CENPW: variants seen among roughly 807,000 people sequenced by gnomAD.
CENPW encodes the protein cancer-up-regulated gene 2 protein.
CENPW carries 3 observed loss-of-function variants against 11.1 expected under a neutral mutation model. The ratio of observed to expected loss-of-function variants is 0.27; its 90% CI spans 0.12 to 0.70. The LOEUF is 0.70. Ranked by LOEUF, CENPW falls within the 30% of genes least tolerant of loss-of-function variation. The probability of loss-of-function intolerance (pLI) is 0.77; values close to 1 mark genes in which losing one functional copy is unlikely to be tolerated. For missense variants in CENPW, 100 were observed against 105.6 expected, an observed-to-expected ratio of 0.95 and a Z score of 0.23; for synonymous variants, 38 against 42.0, an observed-to-expected ratio of 0.91 and a Z score of 0.37.
At chr6:126,370,100 C>A in the CENPW span, among the ~76,000 whole-genome samples, 1 of 152,136 alleles carries the variant, frequency 6.6e-6, no homozygotes, top group Non-Finnish European at 1.5e-5. Flanking sequence ...GGCTTTATTT[C>A]TGGGTTCTCT....
the CENPW span, among the ~76,000 whole-genome samples, chr6:126,360,308 G>A: frequency 2.1e-5 from 3 of 143,568 alleles, no homozygotes; most frequent in African/African-American, 7.3e-5. Context: ...AGCTTGATGG[G>A]GTTCCTTTTG....
chr6:126,341,478 A>T (rs1780309547), intron 1 of CENPW, among the ~76,000 whole-genome samples: 1 of 152,168 alleles, frequency 6.6e-6, no homozygotes, highest in Non-Finnish European at 1.5e-5. Context: ...CTATAGAATT[A>T]TCGCCCCTTT....
chr6:126,399,985 G>A, the CENPW span, among the ~76,000 whole-genome samples: 4 of 151,954 alleles, frequency 2.6e-5, no homozygotes, highest in Non-Finnish European at 5.9e-5. Flanking sequence ...GTGGTGGTGT[G>A]TTCTTTTCCA....
At chr6:126,461,002 T>C in the CENPW span, among the ~76,000 whole-genome samples, 35 of 152,014 alleles carry the variant, frequency 2.3e-4, no homozygotes, top group African/African-American at 7.9e-4. Context: ...GGCTGGCAGA[T>C]AGAAGATGTT....
chr6:126,401,466 G>A, the CENPW span, among the ~76,000 whole-genome samples: 1 of 151,978 alleles, frequency 6.6e-6, no homozygotes, highest in Non-Finnish European at 1.5e-5. Flanking sequence ...CTCAGTCTTA[G>A]GTAGGGGCTA....
At chr6:126,458,464 A>G in the CENPW span, among the ~76,000 whole-genome samples, 1 of 151,356 alleles carries the variant, frequency 6.6e-6, no homozygotes, top group Non-Finnish European at 1.5e-5. Context: ...ATTAAATGAG[A>G]ATTTTTCCAG....
the CENPW span, among the ~76,000 whole-genome samples, chr6:126,368,764 C>A: frequency 6.6e-6 from 1 of 152,084 alleles, no homozygotes; most frequent in Non-Finnish European, 1.5e-5. Context: ...CCTTCCTCAG[C>A]CTCCCGAGTA....
the CENPW span, among the ~76,000 whole-genome samples, chr6:126,406,023 T>C: frequency 6.6e-6 from 1 of 152,252 alleles, no homozygotes; most frequent in Non-Finnish European, 1.5e-5. Flanking sequence ...AGCATCCTTG[T>C]CTGGTTCTAG....
the CENPW span, among the ~76,000 whole-genome samples, chr6:126,398,973 C>A: frequency 2.6e-5 from 4 of 151,744 alleles, no homozygotes; most frequent in African/African-American, 7.3e-5. Context: ...CATTCATGTT[C>A]CAAAGAACAT....
the CENPW span, among the ~76,000 whole-genome samples, chr6:126,393,473 GTTGTGTTTCCA>G: frequency 2.0e-5 from 3 of 151,320 alleles, no homozygotes; most frequent in African/African-American, 7.3e-5. Context: ...GTTTTGGTAT[GTTGTGTTTCCA>G]TTGTGATTTA....
At chr6:126,473,937 T>C in the CENPW span, among the ~76,000 whole-genome samples, 1 of 148,112 alleles carries the variant, frequency 6.8e-6, no homozygotes, top group East Asian at 2.0e-4. Context: ...AGAATATATA[T>C]AGAATGTATA....
chr6:126,438,587 A>G, the CENPW span, among the ~76,000 whole-genome samples: 1 of 151,680 alleles, frequency 6.6e-6, no homozygotes, highest in East Asian at 1.9e-4. Context: ...ACAAGGAGAA[A>G]ATAAAAAATT....
chr6:126,365,507 A>G, the CENPW span, among the ~76,000 whole-genome samples: 4 of 152,042 alleles, frequency 2.6e-5, no homozygotes, highest in East Asian at 3.9e-4. Flanking sequence ...AAACAACCAG[A>G]TCTCCTGAGA....
At chr6:126,358,189 C>T in the CENPW span, among the ~76,000 whole-genome samples, 1 of 151,488 alleles carries the variant, frequency 6.6e-6, no homozygotes, top group African/African-American at 2.4e-5. Flanking sequence ...ATTTGAATTC[C>T]TTTTCCTTCT....
the CENPW span, among the ~76,000 whole-genome samples, chr6:126,469,696 A>T: frequency 6.6e-6 from 1 of 152,218 alleles, no homozygotes; most frequent in African/African-American, 2.4e-5. Context: ...AATGAAGTCC[A>T]GGCTGAGGTG....
chr6:126,482,601 T>C, the CENPW span, among the ~76,000 whole-genome samples: 7 of 152,088 alleles, frequency 4.6e-5, no homozygotes, highest in South Asian at 4.1e-4. Context: ...GAACCACTTA[T>C]CAAAAAGACA....
At chr6:126,432,541 G>A in the CENPW span, among the ~76,000 whole-genome samples, 1 of 151,956 alleles carries the variant, frequency 6.6e-6, no homozygotes. Context: ...TTAAAACTCA[G>A]ATATCAGGTT....
chr6:126,431,717 G>A, the CENPW span, among the ~76,000 whole-genome samples: 78 of 152,132 alleles, frequency 5.1e-4, 1 homozygote, highest in African/African-American at 1.8e-3. Flanking sequence ...TGCAACCCAC[G>A]TTGTTTCATG....
the CENPW span, among the ~76,000 whole-genome samples, chr6:126,472,602 A>G: frequency 2.0e-5 from 3 of 152,224 alleles, no homozygotes; most frequent in Non-Finnish European, 4.4e-5. Context: ...GGCCTGTTAG[A>G]AATAAAACTG....
Sources: allele counts gnomAD v4.1 joint callset (sites outside exome capture counted in the v4.1 genomes callset), GRCh38; gene constraint gnomAD v4.1.1; transcripts MANE v1.5; gene names NCBI Gene and HGNC (gene_info 2026-07-23, HGNC 2026-07-21).